Variants in NCALD observed in about 807,000 individuals in gnomAD.
NCALD encodes neurocalcin-delta.
NCALD carries 10 observed loss-of-function variants against 18.6 expected under a neutral mutation model. The observed-to-expected ratio is 0.54, with a 90% CI of 0.33 to 0.91. The LOEUF is 0.91. Ranked by LOEUF, NCALD falls within the 40% of genes least tolerant of loss-of-function variation. The probability of loss-of-function intolerance (pLI) is 0.03; values close to 1 mark genes in which losing one functional copy is unlikely to be tolerated. For missense variants in NCALD, 184 were observed against 247.6 expected, an observed-to-expected ratio of 0.74 and a Z score of 1.72; for synonymous variants, 88 against 87.4, an observed-to-expected ratio of 1.01 and a Z score of -0.04.
At chr8:101,966,024 A>G (rs1033648636) in intron 2 of NCALD, among the ~76,000 whole-genome samples, 3 of 152,152 alleles carry the variant, frequency 2.0e-5, no homozygotes, top group South Asian at 2.1e-4. Context: ...CATTCTTGCC[A>G]TGATTATGAC....
At chr8:102,089,407 A>G (rs1373572036) in intron 1 of NCALD, among the ~76,000 whole-genome samples, 3 of 151,948 alleles carry the variant, frequency 2.0e-5, no homozygotes, top group East Asian at 1.9e-4. Flanking sequence ...GGAAAAAAAA[A>G]AAAGAAAGAA....
At chr8:102,012,208 A>G (rs1821927833) in intron 2 of NCALD, among the ~76,000 whole-genome samples, 1 of 152,190 alleles carries the variant, frequency 6.6e-6, no homozygotes, top group Non-Finnish European at 1.5e-5. Flanking sequence ...CAGGTCATCA[A>G]CCTCATACCA....
At chr8:101,745,679 C>T (rs940482481) in intron 1 of NCALD, 3 of 152,214 alleles carry the variant, frequency 2.0e-5, no homozygotes, top group Non-Finnish European at 4.4e-5. Context: ...CAATGTGATA[C>T]GTCTCTAACT....
chr8:101,930,435 T>C (rs73696584), intron 2 of NCALD, among the ~76,000 whole-genome samples: 9,605 of 152,020 alleles, frequency 0.063, 761 homozygotes, highest in African/African-American at 0.19. Context: ...AAAATCTCTT[T>C]ATTTTGAAAA....
chr8:102,068,378 G>A (rs899612812), intron 1 of NCALD, among the ~76,000 whole-genome samples: 1 of 152,110 alleles, frequency 6.6e-6, no homozygotes, highest in African/African-American at 2.4e-5. Flanking sequence ...CCATGCTCAC[G>A]CCACTCTGGC....
intron 1 of NCALD, among the ~76,000 whole-genome samples, chr8:102,100,780 G>A (rs1451837015): frequency 1.3e-5 from 2 of 152,168 alleles, no homozygotes; most frequent in African/African-American, 4.8e-5. Context: ...GGACATTATG[G>A]TAAGTGAAAT....
intron 3 of NCALD, chr8:101,690,251 G>A: frequency 1.0e-6 from 1 of 985,400 alleles, no homozygotes; most frequent in Middle Eastern, 5.2e-4. Flanking sequence ...CCCATTCCTG[G>A]TGCTTCCAGA....
chr8:102,094,986 G>T (rs940997987), intron 1 of NCALD, among the ~76,000 whole-genome samples: 12 of 152,194 alleles, frequency 7.9e-5, no homozygotes, highest in African/African-American at 2.9e-4. Flanking sequence ...AACCTCCAGA[G>T]AACTGTAAAG....
chr8:101,782,250 T>C (rs1812047282), intron 1 of NCALD, among the ~76,000 whole-genome samples: 1 of 152,066 alleles, frequency 6.6e-6, no homozygotes, highest in African/African-American at 2.4e-5. Context: ...TTTAAAACTA[T>C]GAAGTTACAC....
intron 2 of NCALD, among the ~76,000 whole-genome samples, chr8:101,713,362 AAG>A (rs1363019596): frequency 2.6e-5 from 4 of 152,164 alleles, no homozygotes; most frequent in African/African-American, 9.7e-5. Flanking sequence ...TCACAATTAA[AAG>A]AACTAGAGAA....
intron 2 of NCALD, among the ~76,000 whole-genome samples, chr8:102,017,741 T>C (rs1822138370): frequency 1.3e-5 from 2 of 152,172 alleles, no homozygotes; most frequent in South Asian, 2.1e-4. Flanking sequence ...TTTTTAAAAA[T>C]TGATAAACTG....
chr8:101,708,906 T>G (rs1268059085), intron 2 of NCALD, among the ~76,000 whole-genome samples: 1 of 152,112 alleles, frequency 6.6e-6, no homozygotes, highest in Admixed American at 6.5e-5. Flanking sequence ...CTCAAGGAGA[T>G]GGGAAATAAG....
chr8:101,930,761 G>A (rs1225995665), intron 2 of NCALD, among the ~76,000 whole-genome samples: 1 of 152,154 alleles, frequency 6.6e-6, no homozygotes, highest in Non-Finnish European at 1.5e-5. Context: ...CCCAGAGATA[G>A]CAATCCAGAT....
At chr8:101,736,858 G>C (rs1809941961) in intron 1 of NCALD, among the ~76,000 whole-genome samples, 1 of 152,224 alleles carries the variant, frequency 6.6e-6, no homozygotes, top group South Asian at 2.1e-4. Context: ...GCTCTGGCTG[G>C]ACAAGAATTA....
At position 101,831,553 on chromosome 8, in the gene NCALD, C is replaced by A. The variant is rs557555161; in HGVS notation, c.-20+55588G>T. Among the ~76,000 whole-genome samples the A allele has an allele frequency of 2.6e-5, 4 of 152,258 alleles. No homozygotes were observed. In the South Asian group the frequency reaches 8.3e-4, roughly 32 times the overall value. On this transcript the variant is annotated intron_variant, in intron 4 of 6. Transcript: ENST00000311028. ...CCCCATTTTTATACTTCTATATATT[C>A]TTTTGAAGAAAAACTGGGATCATGA...
intron 1 of NCALD, among the ~76,000 whole-genome samples, chr8:102,122,776 C>A (rs1229890565): frequency 6.6e-6 from 1 of 152,216 alleles, no homozygotes; most frequent in Admixed American, 6.5e-5. Flanking sequence ...CAGCTCAAAC[C>A]CGGCTGTCTG....
chr8:101,936,920 A>C (rs897550946), intron 2 of NCALD, among the ~76,000 whole-genome samples: 8 of 152,198 alleles, frequency 5.3e-5, no homozygotes, highest in Non-Finnish European at 1.0e-4. Context: ...AAAATCTAAT[A>C]AACATAGGCA....
intron 1 of NCALD, among the ~76,000 whole-genome samples, chr8:102,060,623 A>C (rs11775854): frequency 0.15 from 22,883 of 152,136 alleles, 1,846 homozygotes; most frequent in African/African-American, 0.2. Flanking sequence ...CTTGATGATT[A>C]AAACAGATCA....
chr8:101,994,403 G>C (rs551451563), intron 2 of NCALD, among the ~76,000 whole-genome samples: 1 of 152,208 alleles, frequency 6.6e-6, no homozygotes, highest in Non-Finnish European at 1.5e-5. Context: ...GTTTTTCCCT[G>C]TTCCCAGGGC....
Sources: gnomAD v4.1 joint callset for allele counts (sites outside exome capture counted in the v4.1 genomes callset) on GRCh38, gnomAD v4.1.1 for gene constraint, MANE v1.5 for transcripts, NCBI Gene and HGNC (gene_info 2026-07-23, HGNC 2026-07-21) for gene names.